LYNX1: variants seen among roughly 807,000 people sequenced by gnomAD.
The protein encoded by LYNX1 is ly-6/neurotoxin-like protein 1.
In LYNX1, 8 loss-of-function variants were observed where a neutral mutation model predicts 8.3. The ratio of observed to expected loss-of-function variants is 0.97; its 90% CI spans 0.57 to 1.74. The LOEUF (loss-of-function observed/expected upper bound fraction) is 1.74, where lower values mean the gene tolerates loss of function less well. Ranked by LOEUF, LYNX1 falls within the 40% of genes most tolerant of loss-of-function variation. The pLI is 0.00. For missense variants in LYNX1, 158 were observed against 159.7 expected (o/e 0.99, Z 0.06); for synonymous variants, 73 against 67.9 (o/e 1.08, Z -0.37).
At position 142,774,149 on chromosome 8, in the gene LYNX1, T is replaced by TCC; in HGVS notation, c.*1016_*1017dup. On this transcript the variant is annotated 3_prime_UTR_variant, in exon 4 of 4. Coordinates refer to ENST00000652477, the MANE Select transcript of LYNX1 (RefSeq NM_177477.4). Reference sequence around the variant, plus strand: ...CGGGGGAGGGGCTGGGTCTCCGCCCTCCCCACCCCACCCTCCCCACTCCCG... The same window carrying TCC: ...CGGGGGAGGGGCTGGGTCTCCGCCCTCCCCCCACCCCACCCTCCCCACTCCCG... 6.9e-6 allele frequency: 5 copies of TCC among 725,166 alleles called. No individual in the cohort carries two copies. Among genetic ancestry groups the TCC allele is most frequent in the Non-Finnish European group, 8.2e-6 (5 of 608,370 alleles). The allele number at this position is 725,166 out of a possible 1,614,324, so 44.9% of individuals were successfully genotyped here.
At chr8:142,775,836 C>A in intron 2 of LYNX1, 70 bp downstream of exon 2, 1 of 1,598,316 alleles carries the variant, frequency 6.3e-7, no homozygotes, top group Non-Finnish European at 8.6e-7. Context: ...ATTCTAGCCT[C>A]CTTCCCTACT....
rs770292132 is a variant in LYNX1, at chr8:142,775,674, C to T, written c.73G>A (p.Val25Met). The T allele has an allele frequency of 6.2e-5, 100 of 1,600,518 alleles. No individual in the cohort carries two copies. Among genetic ancestry groups the T allele is most frequent in the Non-Finnish European group, 7.9e-5 (93 of 1,173,728 alleles). ...CAGTTGTCTCCGTTGTAGGCACACA[C>T]GTGGCAGTCCAAGGCCTGGGCTGGG... The part of the protein sequence containing the change: ...LPLAQALDCH[V>M]CAYNGDNCFN... Residue 25 changes from valine to methionine, a missense_variant, in exon 3 of 4, where the codon GTG (valine) becomes ATG (methionine). Coordinates refer to ENST00000652477, the MANE Select transcript of LYNX1 (RefSeq NM_177477.4).
Position 142,773,604 on chromosome 8 carries a change from C to G in LYNX1, c.*1563G>C, listed in dbSNP as rs1460918410. Reference sequence around the variant, plus strand: ...GGAGACTGAAGCTGGGCACTCAGAACCAGCCCCAGGAGCAGAACGCAGGCC... The same window carrying G: ...GGAGACTGAAGCTGGGCACTCAGAAGCAGCCCCAGGAGCAGAACGCAGGCC... On this transcript the variant is annotated 3_prime_UTR_variant, in exon 4 of 4. Transcript: ENST00000652477. 1 of 985,446 alleles carries G rather than the reference C, an allele frequency of 1.0e-6. No homozygotes were observed. Among genetic ancestry groups the G allele is most frequent in the Non-Finnish European group, 1.2e-6 (1 of 830,046 alleles). The allele number at this position is 985,446 out of a possible 1,614,324, so 61.0% of individuals were successfully genotyped here.
chr8:142,775,459 C>A, intron 3 of LYNX1, 96 bp from the exon 4 acceptor site: 1 of 1,573,736 alleles, frequency 6.4e-7, no homozygotes, highest in African/African-American at 1.3e-5. Context: ...GGCAGGGCCC[C>A]TCAGCCTGGA....
At position 142,774,587 on chromosome 8, in the gene LYNX1, G is replaced by A; in HGVS notation, c.*580C>T. 8 of 985,878 alleles carry A rather than the reference G, an allele frequency of 8.1e-6. No individual in the cohort carries two copies. The highest frequency in any genetic ancestry group is 9.6e-6 in the Non-Finnish European group (8 of 830,300). 61.1% of individuals were successfully genotyped at this position (985,878 alleles called of 1,614,324 possible). ...GGCAGAGCCGCCCCCTCCCCTGCAG[G>A]GGGTGGCTCCAACTCGGGCCTGGCA... is the stretch of plus-strand genomic sequence containing the variant. On this transcript the variant is annotated 3_prime_UTR_variant, in exon 4 of 4. Transcript: ENST00000652477.
chr8:142,775,428 C>T, intron 3 of LYNX1, 65 bp from the exon 4 acceptor site: 2 of 1,592,050 alleles, frequency 1.3e-6, no homozygotes, highest in Non-Finnish European at 1.7e-6. Context: ...CTGGCCCCAC[C>T]CCAGCATCCA....
At position 142,772,748 on chromosome 8, in the gene LYNX1, T is replaced by C. The variant is rs1458484675; in HGVS notation, c.*2419A>G. 2 of 985,398 alleles carry C rather than the reference T, an allele frequency of 2.0e-6. No individual in the cohort carries two copies. Among genetic ancestry groups the C allele is most frequent in the Non-Finnish European group, 2.4e-6 (2 of 829,974 alleles). 61.0% of individuals were successfully genotyped at this position (985,398 alleles called of 1,614,324 possible). ...CGCTGCTGTGCCGGTTCCCTGGTGC[T>C]GCACAGCCACGCACTCCCCATGAGT... On this transcript the variant is annotated 3_prime_UTR_variant, in exon 4 of 4. Coordinates refer to ENST00000652477, the MANE Select transcript of LYNX1 (RefSeq NM_177477.4).
In LYNX1 at chr8:142,772,859, G is replaced by A. The variant is rs1291669030; in HGVS notation, c.*2308C>T. The A allele has an allele frequency of 1.5e-5, 15 of 985,846 alleles. No individual in the cohort carries two copies. The highest frequency in any genetic ancestry group is 1.8e-5 in the Non-Finnish European group (15 of 830,322). The allele number at this position is 985,846 out of a possible 1,614,324, so 61.1% of individuals were successfully genotyped here. A position where few individuals can be genotyped will look rare whatever the true frequency, so the allele number is the denominator to read the frequency against. On this transcript the variant is annotated 3_prime_UTR_variant, in exon 4 of 4. Coordinates refer to ENST00000652477, the MANE Select transcript of LYNX1 (RefSeq NM_177477.4). ...GCCAGCCAGGCAGAACCATGTGTGG[G>A]GCTGGGACAGGTCAGGGTGGTGGAA...
chr8:142,775,567 G>T, intron 3 of LYNX1, 26 bp downstream of exon 3: 1 of 1,569,182 alleles, frequency 6.4e-7, no homozygotes, highest in East Asian at 2.4e-5. Context: ...TCCCCAGGCA[G>T]GGCCACGCAG....
At chr8:142,777,521 AG>A (rs1815478197), upstream of LYNX1, among the ~76,000 whole-genome samples, 2 of 87,750 alleles carry the variant, frequency 2.3e-5, no homozygotes, top group African/African-American at 5.3e-5. Flanking sequence ...AGTTCACCGC[AG>A]GCCCCGCCCC....
chr8:142,775,746 G>GC (rs1815395541), intron 2 of LYNX1, 52 bp from the exon 3 acceptor site: 6 of 1,538,770 alleles, frequency 3.9e-6, no homozygotes, highest in African/African-American at 2.7e-5. Context: ...AACATGAGAG[G>GC]CCCCTCCTCC....
chr8:142,775,399 A>T lies in LYNX1; in HGVS notation c.155-36T>A, dbSNP rs993463510. The T allele has an allele frequency of 1.9e-6, 3 of 1,606,692 alleles. No homozygotes were observed. In the African/African-American group the frequency reaches 4.0e-5, roughly 21 times the overall value. ...GCGGGGCGGTGAGCCAGCTCCGCTA[A>T]GAGGGGCAGGAGACCCAGCTGGCCC... On this transcript the variant is annotated intron_variant, in intron 3 of 3. Coordinates refer to ENST00000652477, the MANE Select transcript of LYNX1 (RefSeq NM_177477.4).
Position 142,773,637 on chromosome 8 carries a change from A to G in LYNX1, c.*1530T>C, listed in dbSNP as rs748020792. The G allele has an allele frequency of 1.1e-4, 111 of 985,288 alleles. No individual in the cohort carries two copies. The highest frequency in any genetic ancestry group is 1.3e-4 in the Non-Finnish European group (110 of 829,958). The allele number at this position is 985,288 out of a possible 1,614,324, so 61.0% of individuals were successfully genotyped here. On this transcript the variant is annotated 3_prime_UTR_variant, in exon 4 of 4. Coordinates refer to ENST00000652477, the MANE Select transcript of LYNX1 (RefSeq NM_177477.4). Reference sequence around the variant, plus strand: ...AGGAGCAGAACGCAGGCCTGCATATAGACTCACTGCAAGGAGACCCCTGGG... The same window carrying G: ...AGGAGCAGAACGCAGGCCTGCATATGGACTCACTGCAAGGAGACCCCTGGG...
chr8:142,777,841 C>G (rs1434618630), upstream of LYNX1: 4 of 398,770 alleles, frequency 1.0e-5, no homozygotes, highest in South Asian at 1.3e-4. Flanking sequence ...TCCGCCCACT[C>G]GCCCGCGCCG....
At chr8:142,775,561 C>G (rs1312929429) in intron 3 of LYNX1, 32 bp downstream of exon 3, 1 of 1,565,964 alleles carries the variant, frequency 6.4e-7, no homozygotes, top group Admixed American at 1.9e-5. Context: ...TCGTGCTCCC[C>G]AGGCAGGGCC....
rs1277451685 is a variant in LYNX1, at chr8:142,774,060, C to G, written c.*1107G>C. 51 of 985,360 alleles carry G rather than the reference C, an allele frequency of 5.2e-5. No homozygotes were observed. Among genetic ancestry groups the G allele is most frequent in the Non-Finnish European group, 6.1e-5 (51 of 829,988 alleles). The allele number at this position is 985,360 out of a possible 1,614,324, so 61.0% of individuals were successfully genotyped here. On this transcript the variant is annotated 3_prime_UTR_variant, in exon 4 of 4. Transcript: ENST00000652477. ...CCAGCTGGGGCTTCCACCCTGCCCT[C>G]CCAGTGGGTGCATCCCCAGGTGGAA... is the stretch of plus-strand genomic sequence containing the variant.
At chr8:142,777,025 G>C (rs1051145222) in intron 1 of LYNX1, 81 bp downstream of exon 1, 2 of 152,110 alleles carry the variant, frequency 1.3e-5, no homozygotes, top group Non-Finnish European at 2.9e-5. Context: ...ACCCCCTCAC[G>C]GAGAGCCCCG....
In LYNX1 at chr8:142,771,696, G is replaced by C; in HGVS notation, c.*3471C>G. 1.0e-6 allele frequency: 1 copy of C among 985,880 alleles called. No individual in the cohort carries two copies. Among genetic ancestry groups the C allele is most frequent in the Non-Finnish European group, 1.2e-6 (1 of 829,966 alleles). 61.1% of individuals were successfully genotyped at this position (985,880 alleles called of 1,614,324 possible). A position where few individuals can be genotyped will look rare whatever the true frequency, so the allele number is the denominator to read the frequency against. On this transcript the variant is annotated 3_prime_UTR_variant, in exon 4 of 4. Coordinates refer to ENST00000652477, the MANE Select transcript of LYNX1 (RefSeq NM_177477.4). ...TGGCATATCCACCGAGGGCCTCTCTGCTTCTTTTGACCTTTTTCAGAGTTT... is the reference window on the plus strand; with the variant it reads ...TGGCATATCCACCGAGGGCCTCTCTCCTTCTTTTGACCTTTTTCAGAGTTT...
In LYNX1 at chr8:142,771,688, G is replaced by C; in HGVS notation, c.*3479C>G. 1.0e-6 allele frequency: 1 copy of C among 985,874 alleles called. No individual in the cohort carries two copies. Among genetic ancestry groups the C allele is most frequent in the Non-Finnish European group, 1.2e-6 (1 of 829,958 alleles). 61.1% of individuals were successfully genotyped at this position (985,874 alleles called of 1,614,324 possible). On this transcript the variant is annotated 3_prime_UTR_variant, in exon 4 of 4. Transcript: ENST00000652477. ...AGAAAAGCTGGCATATCCACCGAGG[G>C]CCTCTCTGCTTCTTTTGACCTTTTT...
Sources: allele counts gnomAD v4.1 joint callset (sites outside exome capture counted in the v4.1 genomes callset), GRCh38; gene constraint gnomAD v4.1.1; transcripts MANE v1.5; gene names NCBI Gene and HGNC (gene_info 2026-07-23, HGNC 2026-07-21).